The following STARD13 variants were observed in gnomAD, a reference collection of about 807,000 sequenced individuals.
STARD13 encodes StAR related lipid transfer domain containing 13.
A neutral mutation model predicts 106.4 loss-of-function variants in STARD13; 62 were observed. The observed-to-expected ratio is 0.58, with a 90% confidence interval of 0.48 to 0.72. The LOEUF (loss-of-function observed/expected upper bound fraction) is 0.72, where lower values mean the gene tolerates loss of function less well. Ranked by LOEUF, STARD13 falls within the 30% of genes least tolerant of loss-of-function variation. STARD13 has a pLI of 0.00. For missense variants in STARD13, 1,387 were observed against 1,424.0 expected (o/e 0.97, Z 0.42); for synonymous variants, 565 against 553.0 (o/e 1.02, Z -0.31).
chr13:33,443,640 C>T, the STARD13 span, among the ~76,000 whole-genome samples: 1 of 152,092 alleles, frequency 6.6e-6, no homozygotes, highest in African/African-American at 2.4e-5. Context: ...AATCCCAGCA[C>T]TTTCGGAGGC....
rs191565693 is a variant in STARD13 at position 33,171,571 on chromosome 13, C to A, written c.170-3949G>T. Among the ~76,000 whole-genome samples the A allele has an allele frequency of 5.9e-5, 9 of 152,338 alleles. No individual in the cohort carries two copies. In the East Asian group the frequency reaches 1.5e-3, roughly 26 times the overall value. ...CATGGTTTATGTAGGGCTGACGCCT[C>A]TTGCCTCCAAGCACACTCCCTAGCC... On this transcript the variant is annotated intron_variant, in intron 1 of 13. Transcript: ENST00000336934.
chr13:33,388,998 C>T, the STARD13 span, among the ~76,000 whole-genome samples: 1 of 150,354 alleles, frequency 6.7e-6, no homozygotes, highest in African/African-American at 2.5e-5. Flanking sequence ...TCTTGTTGCC[C>T]AGGCTGGAGT....
intron 1 of STARD13, among the ~76,000 whole-genome samples, chr13:33,332,194 C>A (rs1217749511): frequency 6.6e-6 from 1 of 152,164 alleles, no homozygotes; most frequent in African/African-American, 2.4e-5. Flanking sequence ...CCCACCTATC[C>A]ACAGACACTT....
chr13:33,226,076 C>T (rs757348668), intron 1 of STARD13, among the ~76,000 whole-genome samples: 6 of 152,184 alleles, frequency 3.9e-5, no homozygotes, highest in African/African-American at 7.2e-5. Context: ...AGCAAGAAGG[C>T]GGCCATCTGC....
the STARD13 span, among the ~76,000 whole-genome samples, chr13:33,601,464 G>T: frequency 4.6e-5 from 7 of 152,132 alleles, no homozygotes; most frequent in African/African-American, 1.7e-4. Context: ...TTGGGGATAG[G>T]AAAGGGTGGG....
At chr13:33,136,497 T>C (rs9568887) in intron 4 of STARD13, among the ~76,000 whole-genome samples, 49,641 of 152,118 alleles carry the variant, frequency 0.33, 8,811 homozygotes, top group Non-Finnish European at 0.41. Flanking sequence ...ATTTGGCATG[T>C]TTTCCTCTGA....
At chr13:33,443,417 T>C in the STARD13 span, among the ~76,000 whole-genome samples, 1 of 142,834 alleles carries the variant, frequency 7.0e-6, no homozygotes, top group Non-Finnish European at 1.5e-5. Context: ...AAATTTTATG[T>C]TAAGTGAATT....
chr13:33,373,017 C>T, the STARD13 span, among the ~76,000 whole-genome samples: 1,572 of 152,178 alleles, frequency 0.01, 41 homozygotes, highest in African/African-American at 0.036. Context: ...TTATTTCTTT[C>T]AGAGCTACTT....
the STARD13 span, among the ~76,000 whole-genome samples, chr13:33,385,126 A>AAT: frequency 0.018 from 2,313 of 129,892 alleles, 51 homozygotes; most frequent in Non-Finnish European, 0.022. Flanking sequence ...AAAGGTTCGG[A>AAT]ATATATATAT....
chr13:33,444,840 A>C, the STARD13 span, among the ~76,000 whole-genome samples: 3 of 152,304 alleles, frequency 2.0e-5, no homozygotes, highest in Non-Finnish European at 4.4e-5. Flanking sequence ...ATCCCCCAGA[A>C]AGTGTTAATT....
At chr13:33,671,128 T>G in the STARD13 span, among the ~76,000 whole-genome samples, 2 of 152,242 alleles carry the variant, frequency 1.3e-5, no homozygotes, top group South Asian at 4.1e-4. Context: ...AATAGTTTGA[T>G]TTTTTATTTC....
chr13:33,332,076 T>C (rs73478193), intron 1 of STARD13, among the ~76,000 whole-genome samples: 3,493 of 152,192 alleles, frequency 0.023, 137 homozygotes, highest in African/African-American at 0.079. Flanking sequence ...CCCCAAAGCA[T>C]ATCCAGACTC....
At chr13:33,529,894 G>A in the STARD13 span, among the ~76,000 whole-genome samples, 4 of 152,096 alleles carry the variant, frequency 2.6e-5, no homozygotes, top group Admixed American at 2.6e-4. Flanking sequence ...ATCTGTAGAA[G>A]GTAAATGGGG....
At chr13:33,181,046 G>C (rs1265229430) in intron 1 of STARD13, among the ~76,000 whole-genome samples, 1 of 152,086 alleles carries the variant, frequency 6.6e-6, no homozygotes, top group East Asian at 1.9e-4. Context: ...AAACATTGTT[G>C]TGTGTTTTTT....
the STARD13 span, among the ~76,000 whole-genome samples, chr13:33,623,431 A>C: frequency 9.4e-5 from 10 of 106,198 alleles, no homozygotes; most frequent in Non-Finnish European, 1.3e-4. Context: ...AATAAAGTAA[A>C]AAAAAAAAAA....
chr13:33,539,038 G>T, the STARD13 span, among the ~76,000 whole-genome samples: 1 of 152,062 alleles, frequency 6.6e-6, no homozygotes, highest in East Asian at 1.9e-4. Flanking sequence ...CAAAGTGCTG[G>T]GATTATAGGC....
At chr13:33,499,533 TC>T in the STARD13 span, among the ~76,000 whole-genome samples, 5 of 44,330 alleles carry the variant, frequency 1.1e-4, 1 homozygote, top group African/African-American at 1.7e-4. Context: ...TTCTTCTTCT[TC>T]TTCTTCTTCT....
At chr13:33,301,088 A>G (rs1057123044) in intron 1 of STARD13, among the ~76,000 whole-genome samples, 1 of 152,242 alleles carries the variant, frequency 6.6e-6, no homozygotes, top group Non-Finnish European at 1.5e-5. Flanking sequence ...TTTGATTAAT[A>G]TCTGTCTATT....
the STARD13 span, among the ~76,000 whole-genome samples, chr13:33,618,525 C>T: frequency 1.3e-5 from 2 of 149,280 alleles, no homozygotes; most frequent in Admixed American, 1.3e-4. Flanking sequence ...TCATACATGC[C>T]CCATATATCT....
Sources: gnomAD v4.1 joint callset for allele counts (sites outside exome capture counted in the v4.1 genomes callset) on GRCh38, gnomAD v4.1.1 for gene constraint, MANE v1.5 for transcripts, NCBI Gene and HGNC (gene_info 2026-07-23, HGNC 2026-07-21) for gene names.